FBXW2: variants seen among roughly 807,000 people sequenced by gnomAD.
FBXW2 encodes F-box and WD repeat domain containing 2, also known as F-box/WD repeat-containing protein 2.
In FBXW2, 12 loss-of-function variants were observed where a neutral mutation model predicts 46.0. That is an observed-to-expected ratio of 0.26 (90% CI 0.17 to 0.42). The LOEUF is 0.42. FBXW2 is among the 10% of genes least tolerant of loss of function. The pLI is 1.00. For synonymous variants in FBXW2, 203 were observed against 209.6 expected (o/e 0.97, Z 0.27); for missense variants, 360 against 537.0 (o/e 0.67, Z 3.26).
intron 3 of FBXW2, among the ~76,000 whole-genome samples, chr9:120,782,019 G>A (rs536646546): frequency 9.1e-4 from 121 of 133,516 alleles, no homozygotes; most frequent in African/African-American, 2.9e-3. Flanking sequence ...GCAAAACTCC[G>A]TCTCAAAAAA....
chr9:120,793,006 C>T (rs1216254399), intron 2 of FBXW2, 143 bp downstream of exon 2: 2 of 1,504,730 alleles, frequency 1.3e-6, no homozygotes, highest in Non-Finnish European at 1.8e-6. Flanking sequence ...ACTGTTAACT[C>T]ATTTCGCAGC....
chr9:120,786,018 CAAAAAAAAAAAA>C (rs3047150), intron 3 of FBXW2, among the ~76,000 whole-genome samples: 16 of 40,548 alleles, frequency 3.9e-4, no homozygotes, highest in Non-Finnish European at 5.1e-4. Flanking sequence ...GACTCCATCT[CAAAAAAAAAAAA>C]AAAAAAAAAA....
chr9:120,784,974 T>C (rs1322739895), intron 3 of FBXW2, among the ~76,000 whole-genome samples: 1 of 150,792 alleles, frequency 6.6e-6, no homozygotes, highest in East Asian at 1.9e-4. Context: ...CAACTGCCAG[T>C]AGGAGCTCCA....
rs781560523 is a variant in FBXW2 at position 120,787,761 on chromosome 9, T to C, written c.490+8A>G. On this transcript the variant is annotated splice_region_variant and intron_variant, in intron 3 of 7. Transcript: ENST00000608872. ...CAAAACCCAAAAAGCAGTTTCAACATCTCTTACCTGTACAGAGAAGTCCAT... is the reference window on the plus strand; with the variant it reads ...CAAAACCCAAAAAGCAGTTTCAACACCTCTTACCTGTACAGAGAAGTCCAT... The C allele has an allele frequency of 3.0e-5, 48 of 1,603,920 alleles. No individual in the cohort carries two copies. The highest frequency in any genetic ancestry group is 1.7e-4 in the Middle Eastern group (1 of 6,002).
Position 120,787,884 on chromosome 9 carries a change from C to T in FBXW2, c.375G>A (p.Lys125=), listed in dbSNP as rs967296476. The T allele has an allele frequency of 2.5e-6, 4 of 1,614,192 alleles. No individual in the cohort carries two copies. The highest frequency in any genetic ancestry group is 3.4e-6 in the Non-Finnish European group (4 of 1,180,034). The change falls in exon 3 of 8, where the codon AAG becomes AAA. Residue 125 remains lysine (K), a synonymous_variant. Coordinates refer to ENST00000608872, the MANE Select transcript of FBXW2 (RefSeq NM_012164.4). ...DALHWKKVYL[K]AILRMKQLED... is the part of the protein sequence containing the mutation. ...CCAGTTGCTTCATTCTCAAAATAGCCTTCAAATAAACCTTCTTCCAGTGCA... is the reference window on the plus strand; with the variant it reads ...CCAGTTGCTTCATTCTCAAAATAGCTTTCAAATAAACCTTCTTCCAGTGCA...
chr9:120,787,322 C>T (rs1417806022), intron 3 of FBXW2, among the ~76,000 whole-genome samples: 1 of 152,220 alleles, frequency 6.6e-6, no homozygotes, highest in Non-Finnish European at 1.5e-5. Context: ...AGCCACTGCG[C>T]CCGACCTCCT....
chr9:120,763,559 C>T lies in FBXW2; in HGVS notation c.*1000G>A, dbSNP rs1440395025. 1 of 152,170 alleles carries T rather than the reference C, an allele frequency of 6.6e-6. No homozygotes were observed. The highest frequency in any genetic ancestry group is 1.5e-5 in the Non-Finnish European group (1 of 68,014). 9.4% of individuals were successfully genotyped at this position (152,170 alleles called of 1,614,324 possible). A position where few individuals can be genotyped will look rare whatever the true frequency, so the allele number is the denominator to read the frequency against. On this transcript the variant is annotated 3_prime_UTR_variant, in exon 8 of 8. Transcript: ENST00000608872. Reference sequence around the variant, plus strand: ...ATATTTTCTACATTTCCCTTTTATTCATCCTTTTCATATAATTGATGTTCT... The same window carrying T: ...ATATTTTCTACATTTCCCTTTTATTTATCCTTTTCATATAATTGATGTTCT...
chr9:120,792,125 G>T (rs911064282), intron 2 of FBXW2, among the ~76,000 whole-genome samples: 10 of 152,198 alleles, frequency 6.6e-5, no homozygotes, highest in African/African-American at 2.4e-4. Flanking sequence ...GGCTCAAGAA[G>T]TGGAGTGGCC....
chr9:120,793,050 C>A, intron 2 of FBXW2, 99 bp downstream of exon 2: 1 of 1,130,988 alleles, frequency 8.8e-7, no homozygotes. Context: ...GCAGTAACTC[C>A]AAAACCCTGT....
chr9:120,787,230 T>C (rs1213610143), intron 3 of FBXW2, among the ~76,000 whole-genome samples: 1 of 152,222 alleles, frequency 6.6e-6, no homozygotes, highest in Non-Finnish European at 1.5e-5. Context: ...GATTTCACCA[T>C]GTTGACCAGT....
rs1327592739 is a variant in FBXW2, at chr9:120,758,280, G to C, written c.*6279C>G. Reference sequence around the variant, plus strand: ...GCCTGGCCCTAGGACTGGTGGAAAGGAACATCAAGAACTTTCCACGAGGAT... The same window carrying C: ...GCCTGGCCCTAGGACTGGTGGAAAGCAACATCAAGAACTTTCCACGAGGAT... On this transcript the variant is annotated 3_prime_UTR_variant, in exon 8 of 8. Coordinates refer to ENST00000608872, the MANE Select transcript of FBXW2 (RefSeq NM_012164.4). The C allele has an allele frequency of 1.3e-5, 2 of 152,184 alleles. No individual in the cohort carries two copies. Among genetic ancestry groups the C allele is most frequent in the African/African-American group, 2.4e-5 (1 of 41,444 alleles). The allele number at this position is 152,184 out of a possible 1,614,324, so 9.4% of individuals were successfully genotyped here. A position where few individuals can be genotyped will look rare whatever the true frequency, so the allele number is the denominator to read the frequency against.
intron 2 of FBXW2, 200 bp downstream of exon 2, chr9:120,792,949 T>C (rs1476874943): frequency 1.3e-6 from 2 of 1,533,352 alleles, no homozygotes; most frequent in African/African-American, 2.7e-5. Context: ...ATAAACCACC[T>C]CATCACACTT....
chr9:120,788,998 G>T (rs1357150052), intron 2 of FBXW2, among the ~76,000 whole-genome samples: 1 of 152,140 alleles, frequency 6.6e-6, no homozygotes. Flanking sequence ...ATATGAGCTA[G>T]TGACAACTCT....
intron 5 of FBXW2, among the ~76,000 whole-genome samples, chr9:120,773,663 C>G (rs917607545): frequency 2.0e-5 from 3 of 152,220 alleles, no homozygotes; most frequent in African/African-American, 7.2e-5. Flanking sequence ...TTCACTCATT[C>G]AGAAGTCTGG....
chr9:120,792,835 G>C, intron 2 of FBXW2: 1 of 1,359,034 alleles, frequency 7.4e-7, no homozygotes, highest in Non-Finnish European at 9.8e-7. Flanking sequence ...TTATTACTTA[G>C]CATTAATATT....
rs962315573 is a variant in FBXW2, at chr9:120,763,300, T to C, written c.*1259A>G. On this transcript the variant is annotated 3_prime_UTR_variant, in exon 8 of 8. Coordinates refer to ENST00000608872, the MANE Select transcript of FBXW2 (RefSeq NM_012164.4). ...TACCTGCACGGCTCCCTTAGGCATT[T>C]GGGTTTGTGAGCCCTCATCTAGGAC... The C allele has an allele frequency of 2.6e-5, 4 of 152,196 alleles. No individual in the cohort carries two copies. Among genetic ancestry groups the C allele is most frequent in the Non-Finnish European group, 4.4e-5 (3 of 68,028 alleles). 9.4% of individuals were successfully genotyped at this position (152,196 alleles called of 1,614,324 possible).
At chr9:120,786,104 A>G (rs1438902723) in intron 3 of FBXW2, among the ~76,000 whole-genome samples, 1 of 152,110 alleles carries the variant, frequency 6.6e-6, no homozygotes, top group Non-Finnish European at 1.5e-5. Context: ...TTCTATCCCA[A>G]ATGAATTCAA....
At chr9:120,780,618 G>T (rs1329958718) in intron 3 of FBXW2, among the ~76,000 whole-genome samples, 1 of 152,118 alleles carries the variant, frequency 6.6e-6, no homozygotes, top group African/African-American at 2.4e-5. Flanking sequence ...CAGGCATGTT[G>T]TGACTGTATT....
At chr9:120,768,687 T>G (rs2044318391) in intron 7 of FBXW2, among the ~76,000 whole-genome samples, 1 of 152,096 alleles carries the variant, frequency 6.6e-6, no homozygotes. Flanking sequence ...CTGGGCATCA[T>G]GGCAGGTGCC....
Sources: gnomAD v4.1 joint callset for allele counts (sites outside exome capture counted in the v4.1 genomes callset) on GRCh38, gnomAD v4.1.1 for gene constraint, MANE v1.5 for transcripts, NCBI Gene and HGNC (gene_info 2026-07-23, HGNC 2026-07-21) for gene names.